Variants in FCRL1 observed in about 807,000 individuals in gnomAD.
The protein encoded by FCRL1 is Fc receptor like 1, also known as Fc receptor-like protein 1.
FCRL1 carries 34 observed loss-of-function variants against 49.2 expected under a neutral mutation model. That is an observed-to-expected ratio of 0.69 (90% CI 0.53 to 0.92). The LOEUF is 0.92. Ranked by LOEUF, FCRL1 falls within the 40% of genes least tolerant of loss-of-function variation. The pLI is 0.00. For missense variants in FCRL1, 524 were observed against 524.1 expected, an observed-to-expected ratio of 1.00 and a Z score of 0.00; for synonymous variants, 218 against 201.6, an observed-to-expected ratio of 1.08 and a Z score of -0.69.
At position 157,807,131 on chromosome 1, in the gene FCRL1, G is replaced by T. The variant is rs769195835; in HGVS notation, c.32-9C>A. On this transcript the variant is annotated splice_polypyrimidine_tract_variant and intron_variant, in intron 1 of 10. Transcript: ENST00000368176. ...AGGTTCACAGAGTGGAGCTGGGAGA[G>T]AATTCAGCAGAGATCAGTACAGAGC... The T allele has an allele frequency of 6.2e-7, 1 of 1,613,538 alleles. No homozygotes were observed. The highest frequency in any genetic ancestry group is 8.5e-7 in the Non-Finnish European group (1 of 1,179,812).
chr1:157,801,311 A>C, intron 6 of FCRL1, 150 bp downstream of exon 6: 1 of 648,664 alleles, frequency 1.5e-6, no homozygotes, highest in South Asian at 1.8e-5. Flanking sequence ...ATTAATAGGC[A>C]CTGTTCCTAC....
At position 157,802,501 on chromosome 1, in the gene FCRL1, C is replaced by A. The variant is rs1326762632; in HGVS notation, c.483G>T (p.Gln161His). The change falls in exon 4 of 11, where the codon CAG (glutamine) becomes CAT (histidine). Residue 161 changes from glutamine to histidine, a missense_variant. Physicochemically the swap from Gln to His is conservative, Grantham distance 24 (BLOSUM62 0). Transcript: ENST00000368176. ...AVGLNLQSKTQRSLTAEYEIP... is the reference protein window; with the variant it reads ...AVGLNLQSKTHRSLTAEYEIP... ...TCTCATACTCTGCTGTCAGTGAACG[C>A]TGGGTCTTTGACTGAAGGTTTAAAC... 6.2e-7 allele frequency: 1 copy of A among 1,614,224 alleles called. No individual in the cohort carries two copies. Among genetic ancestry groups the A allele is most frequent in the Admixed American group, 1.7e-5 (1 of 60,032 alleles).
rs1303078697 is a variant in FCRL1, at chr1:157,795,064, T to G, written c.*1035A>C. On this transcript the variant is annotated 3_prime_UTR_variant, in exon 11 of 11. Coordinates refer to ENST00000368176, the MANE Select transcript of FCRL1 (RefSeq NM_052938.5). ...AACTTACAGGAAAGACTTTAACTTTTTACTTTATATACCTCCAAATGTTTA... is the reference window on the plus strand; with the variant it reads ...AACTTACAGGAAAGACTTTAACTTTGTACTTTATATACCTCCAAATGTTTA... 6.6e-6 allele frequency: 1 copy of G among 152,246 alleles called. No individual in the cohort carries two copies. The highest frequency in any genetic ancestry group is 1.5e-5 in the Non-Finnish European group (1 of 68,038). The allele number at this position is 152,246 out of a possible 1,614,324, so 9.4% of individuals were successfully genotyped here. A position where few individuals can be genotyped will look rare whatever the true frequency, so the allele number is the denominator to read the frequency against.
At chr1:157,808,704 T>A (rs1653844619) in intron 1 of FCRL1, among the ~76,000 whole-genome samples, 1 of 152,028 alleles carries the variant, frequency 6.6e-6, no homozygotes, top group Non-Finnish European at 1.5e-5. Flanking sequence ...AGTATAGAAG[T>A]GAAAGAAAAG....
intron 1 of FCRL1, among the ~76,000 whole-genome samples, 182 bp from the exon 2 acceptor site, chr1:157,807,304 C>T (rs1653636277): frequency 6.6e-6 from 1 of 151,982 alleles, no homozygotes; most frequent in African/African-American, 2.4e-5. Flanking sequence ...ATCTTCTCTT[C>T]CTCCCTCCTT....
chr1:157,805,538 A>T (rs1264250065), intron 2 of FCRL1, among the ~76,000 whole-genome samples: 4 of 152,288 alleles, frequency 2.6e-5, no homozygotes, highest in Non-Finnish European at 4.4e-5. Flanking sequence ...TTTCCTTGGA[A>T]AACTGTGGTC....
rs555609828 is a variant in FCRL1 at position 157,797,396 on chromosome 1, G to A, written c.1187-264C>T. On this transcript the variant is annotated intron_variant, in intron 9 of 10. Transcript: ENST00000368176. ...CTCTCAGCTATTCTGGGCTCACCAT[G>A]TGTAGGATGGGACAAGAGCACCAGC... is the stretch of plus-strand genomic sequence containing the variant. 3.9e-5 allele frequency among the ~76,000 whole-genome samples: 6 copies of A among 152,324 alleles called. No individual in the cohort carries two copies. In the South Asian group the frequency reaches 1.0e-3, roughly 26 times the overall value.
chr1:157,820,016 A>G lies in FCRL1; in HGVS notation c.22T>C (p.Leu8=). 6.2e-7 allele frequency: 1 copy of G among 1,614,136 alleles called. No individual in the cohort carries two copies. The highest frequency in any genetic ancestry group is 8.5e-7 in the Non-Finnish European group (1 of 1,180,014). ...GAGTTGCCCAACTCACCACAGATCAACAGCAACAGCCTCGGCAGCATGAGG... is the reference window on the plus strand; with the variant it reads ...GAGTTGCCCAACTCACCACAGATCAGCAGCAACAGCCTCGGCAGCATGAGG... The part of the protein sequence containing the change: MLPRLLL[L]ICAPLCEPAE... The change falls in exon 1 of 11, where the codon TTG becomes CTG. Residue 8 remains leucine (L), a synonymous_variant. Transcript: ENST00000368176.
At chr1:157,799,727 C>T (rs1652120463) in intron 7 of FCRL1, among the ~76,000 whole-genome samples, 1 of 151,768 alleles carries the variant, frequency 6.6e-6, no homozygotes, top group Admixed American at 6.6e-5. Flanking sequence ...ACGAACATGG[C>T]ACATGTATAC....
chr1:157,801,613 GA>G (rs781503516), intron 5 of FCRL1, 36 bp from the exon 6 acceptor site: 291 of 1,449,536 alleles, frequency 2.0e-4, no homozygotes, highest in Non-Finnish European at 2.7e-4. Flanking sequence ...CTGCTCAGAG[GA>G]AGGGCTTGGG....
In FCRL1 at chr1:157,810,273, G is replaced by A. The variant is rs147872323; in HGVS notation, c.32-3151C>T. Among the ~76,000 whole-genome samples, 265 of 149,838 alleles carry A rather than the reference G, an allele frequency of 1.8e-3. 1 individual carries two copies. Among genetic ancestry groups the A allele is most frequent in the African/African-American group, 6.2e-3 (256 of 40,984 alleles). On this transcript the variant is annotated intron_variant, in intron 1 of 10. Coordinates refer to ENST00000368176, the MANE Select transcript of FCRL1 (RefSeq NM_052938.5). ...GATTTGACCATAAAAGGGAGTGAGG[G>A]CATAAGTAAATTTCTTTTTCTTTTT...
intron 7 of FCRL1, among the ~76,000 whole-genome samples, chr1:157,799,581 A>G (rs1273283165): frequency 1.3e-5 from 2 of 151,360 alleles, no homozygotes; most frequent in East Asian, 2.0e-4. Context: ...ATTTTTGTAC[A>G]TTGATTTTGT....
chr1:157,809,463 G>T (rs911549905), intron 1 of FCRL1, among the ~76,000 whole-genome samples: 1 of 152,058 alleles, frequency 6.6e-6, no homozygotes, highest in African/African-American at 2.4e-5. Flanking sequence ...AAATGATTTG[G>T]GGGAGATGGA....
At position 157,802,503 on chromosome 1, in the gene FCRL1, G is replaced by A. The variant is rs746307890; in HGVS notation, c.481C>T (p.Gln161Ter). Residue 161 changes from glutamine (Q) to a stop codon, truncating the protein, a stop_gained, in exon 4 of 11, where the codon CAG becomes TAG. Coordinates refer to ENST00000368176, the MANE Select transcript of FCRL1 (RefSeq NM_052938.5). LOFTEE classifies it high-confidence loss of function. ...AVGLNLQSKT[Q>*]RSLTAEYEIP... ...TCATACTCTGCTGTCAGTGAACGCT[G>A]GGTCTTTGACTGAAGGTTTAAACCT... 3.7e-6 allele frequency: 6 copies of A among 1,614,176 alleles called. No individual in the cohort carries two copies. The highest frequency in any genetic ancestry group is 4.2e-6 in the Non-Finnish European group (5 of 1,180,032).
chr1:157,796,125 C>A lies in FCRL1; in HGVS notation c.1264G>T (p.Asp422Tyr). The A allele has an allele frequency of 1.3e-5, 21 of 1,614,064 alleles. No individual in the cohort carries two copies. Among genetic ancestry groups the A allele is most frequent in the Non-Finnish European group, 1.8e-5 (21 of 1,179,938 alleles). The stretch of plus-strand genomic sequence containing the variant: ...TACATAGCATCTTCATAGTCCACAT[C>A]TGTAATGTTTGCTTTCCTCAGCCTG... ...YSRLRKANIT[D>Y]VDYEDAM Residue 422 changes from aspartate (D) to tyrosine (Y), a missense_variant, in exon 11 of 11, where the codon GAT (aspartate) becomes TAT (tyrosine). Coordinates refer to ENST00000368176, the MANE Select transcript of FCRL1 (RefSeq NM_052938.5).
chr1:157,801,547 G>A lies in FCRL1; in HGVS notation c.917C>T (p.Thr306Ile). Residue 306 changes from threonine to isoleucine, a missense_variant, in exon 6 of 11, where the codon ACC (threonine) becomes ATC (isoleucine). Thr to Ile is a moderately conservative substitution (Grantham distance 89). Transcript: ENST00000368176. ...GAGCAGCCCCTCAATGACTCCTGAG[G>A]TAAGATGATTGCTTCTGGCCCCAGT... ...VPTGARSNHL[T>I]SGVIEGLLST... 1.2e-6 allele frequency: 2 copies of A among 1,613,926 alleles called. No individual in the cohort carries two copies. Among genetic ancestry groups the A allele is most frequent in the African/African-American group, 1.3e-5 (1 of 75,028 alleles).
chr1:157,799,979 C>T, intron 7 of FCRL1, 79 bp downstream of exon 7: 3 of 1,364,682 alleles, frequency 2.2e-6, no homozygotes, highest in Non-Finnish European at 3.0e-6. Flanking sequence ...AAAAAATGCT[C>T]AGGAGAGAAC....
At chr1:157,819,469 A>T (rs1655495531) in intron 1 of FCRL1, among the ~76,000 whole-genome samples, 1 of 152,100 alleles carries the variant, frequency 6.6e-6, no homozygotes, top group Admixed American at 6.5e-5. Context: ...CATGAAGTGT[A>T]GTTACTGATA....
At chr1:157,812,351 C>A (rs1224487674) in intron 1 of FCRL1, among the ~76,000 whole-genome samples, 2 of 152,154 alleles carry the variant, frequency 1.3e-5, no homozygotes, top group African/African-American at 4.8e-5. Context: ...ATTCCAGGGT[C>A]TTTCCGGTCA....
Sources: gnomAD v4.1 joint callset for allele counts (sites outside exome capture counted in the v4.1 genomes callset) on GRCh38, gnomAD v4.1.1 for gene constraint, MANE v1.5 for transcripts, NCBI Gene and HGNC (gene_info 2026-07-23, HGNC 2026-07-21) for gene names.